The following CEP68 variants were observed in gnomAD, a reference collection of about 807,000 sequenced individuals.
The protein encoded by CEP68 is centrosomal protein of 68 kDa.
Under a neutral mutation model 55.3 loss-of-function variants are expected in CEP68, and 26 were observed. The observed-to-expected ratio is 0.47, with a 90% CI of 0.34 to 0.65. CEP68 has a LOEUF of 0.65. Ranked by LOEUF, CEP68 falls within the 30% of genes least tolerant of loss-of-function variation. The pLI is 0.01. For missense variants in CEP68, 957 were observed against 946.7 expected (o/e 1.01, Z -0.14); for synonymous variants, 402 against 383.2 (o/e 1.05, Z -0.57).
Position 65,085,231 on chromosome 2 carries a change from TG to T in CEP68, c.*1599del, listed in dbSNP as rs1282182001. The T allele has an allele frequency of 6.6e-6, 1 of 152,158 alleles. No homozygotes were observed. Among genetic ancestry groups the T allele is most frequent in the Non-Finnish European group, 1.5e-5 (1 of 68,024 alleles). 9.4% of individuals were successfully genotyped at this position (152,158 alleles called of 1,614,324 possible). A position where few individuals can be genotyped will look rare whatever the true frequency, so the allele number is the denominator to read the frequency against. On this transcript the variant is annotated 3_prime_UTR_variant, in exon 7 of 7. Coordinates refer to ENST00000377990, the MANE Select transcript of CEP68 (RefSeq NM_015147.3). ...AGATGAAAACCCTATAGAAACAAAT[TG>T]GCCAATATTATACTAATTGAATGCA...
Position 65,086,039 on chromosome 2 carries a change from A to C in CEP68, c.*2405A>C, listed in dbSNP as rs1669017941. 6.6e-6 allele frequency: 1 copy of C among 151,874 alleles called. No homozygotes were observed. Among genetic ancestry groups the C allele is most frequent in the South Asian group, 2.1e-4 (1 of 4,822 alleles). 9.4% of individuals were successfully genotyped at this position (151,874 alleles called of 1,614,324 possible). A position where few individuals can be genotyped will look rare whatever the true frequency, so the allele number is the denominator to read the frequency against. ...GCAGTTTCAAGATCTGGGTTCTTGG[A>C]GATCCATAGGTAAGCTCAGCAAATG... On this transcript the variant is annotated 3_prime_UTR_variant, in exon 7 of 7. Transcript: ENST00000377990.
chr2:65,078,109 C>A, intron 5 of CEP68, 145 bp downstream of exon 5: 1 of 577,036 alleles, frequency 1.7e-6, no homozygotes. Flanking sequence ...GCCCCATCTG[C>A]CAGCTCCACG....
At chr2:65,064,258 A>G (rs975846201) in intron 1 of CEP68, among the ~76,000 whole-genome samples, 2 of 152,168 alleles carry the variant, frequency 1.3e-5, no homozygotes, top group African/African-American at 4.8e-5. Flanking sequence ...CTAAATAGAT[A>G]CCTTCTTTTT....
intron 1 of CEP68, among the ~76,000 whole-genome samples, chr2:65,057,268 G>A (rs1303565425): frequency 2.0e-5 from 3 of 152,226 alleles, no homozygotes; most frequent in Non-Finnish European, 4.4e-5. Context: ...GGGAGGTAGC[G>A]TTTGTAAATA....
intron 5 of CEP68, 101 bp downstream of exon 5, chr2:65,078,065 C>T (rs1220846667): frequency 3.8e-6 from 3 of 797,568 alleles, no homozygotes; most frequent in Middle Eastern, 6.2e-4. Flanking sequence ...ACCACAAGAG[C>T]CCCTGCCCAC....
chr2:65,063,483 A>G (rs1676009314), intron 1 of CEP68, among the ~76,000 whole-genome samples: 1 of 152,240 alleles, frequency 6.6e-6, no homozygotes, highest in Non-Finnish European at 1.5e-5. Flanking sequence ...GGGAGGCCCC[A>G]CATTAGGAAA....
intron 1 of CEP68, 100 bp downstream of exon 1, chr2:65,056,628 C>T (rs1675603500): frequency 6.6e-6 from 1 of 152,080 alleles, no homozygotes; most frequent in South Asian, 2.1e-4. Flanking sequence ...CCCCCTCCCC[C>T]GCGTCTCTTC....
chr2:65,080,197 T>TAATA, intron 5 of CEP68: 2 of 971,354 alleles, frequency 2.1e-6, no homozygotes, highest in Non-Finnish European at 2.4e-6. Context: ...ATCAATTTAA[T>TAATA]AATACTTTTC....
intron 1 of CEP68, among the ~76,000 whole-genome samples, chr2:65,060,516 G>A (rs1212328008): frequency 1.3e-5 from 2 of 152,134 alleles, no homozygotes; most frequent in East Asian, 1.9e-4. Context: ...GATTGCTTGA[G>A]TTCAGGAGTT....
Position 65,072,436 on chromosome 2 carries a change from C to T in CEP68, c.1340C>T (p.Ser447Leu), listed in dbSNP as rs764888119. Reference sequence around the variant, plus strand: ...AGGACACGGGACAGAGGGTGGCCCTCGCCCAGGCCAGAGAGGGAGAAGAGG... The same window carrying T: ...AGGACACGGGACAGAGGGTGGCCCTTGCCCAGGCCAGAGAGGGAGAAGAGG... Reference protein sequence around the residue: ...QLRTRDRGWPSPRPEREKRTS... With the variant: ...QLRTRDRGWPLPRPEREKRTS... The change falls in exon 3 of 7, where the codon TCG becomes TTG. Residue 447 changes from serine (S) to leucine (L), a missense_variant. Transcript: ENST00000377990. 2.0e-5 allele frequency: 32 copies of T among 1,613,896 alleles called. 1 individual carries two copies. The highest frequency in any genetic ancestry group is 7.7e-5 in the South Asian group (7 of 91,078).
In CEP68 at chr2:65,069,595, C is replaced by CT; in HGVS notation, c.152dup (p.Ile52HisfsTer20). The CT allele has an allele frequency of 1.2e-6, 2 of 1,613,952 alleles. No individual in the cohort carries two copies. Among genetic ancestry groups the CT allele is most frequent in the Non-Finnish European group, 1.7e-6 (2 of 1,179,896 alleles). ...CCCACGCCTGGAAGCTGAGGGAGGGCTCATCTCCCCTGTATGGGGGGCAGA... is the reference window on the plus strand; with the variant it reads ...CCCACGCCTGGAAGCTGAGGGAGGGCTTCATCTCCCCTGTATGGGGGGCAGA... On this transcript the variant is annotated frameshift_variant, in exon 2 of 7. Coordinates refer to ENST00000377990, the MANE Select transcript of CEP68 (RefSeq NM_015147.3). LOFTEE classifies it high-confidence loss of function.
chr2:65,059,800 A>G (rs899392927), intron 1 of CEP68, among the ~76,000 whole-genome samples: 1 of 152,204 alleles, frequency 6.6e-6, no homozygotes, highest in Non-Finnish European at 1.5e-5. Context: ...GTTCTGGGGC[A>G]GGACCTGAGA....
chr2:65,056,855 C>G (rs944541076), intron 1 of CEP68, among the ~76,000 whole-genome samples: 1 of 152,146 alleles, frequency 6.6e-6, no homozygotes, highest in Non-Finnish European at 1.5e-5. Flanking sequence ...GTCCGCGCAT[C>G]TGGCGGCCGA....
intron 2 of CEP68, 175 bp from the exon 3 acceptor site, chr2:65,071,279 G>A: frequency 1.7e-6 from 1 of 605,238 alleles, no homozygotes; most frequent in Non-Finnish European, 2.9e-6. Flanking sequence ...CAGGGTCTCA[G>A]TGCTGCTGCT....
intron 4 of CEP68, among the ~76,000 whole-genome samples, chr2:65,075,965 G>A (rs1044807611): frequency 2.0e-5 from 3 of 151,996 alleles, no homozygotes; most frequent in Non-Finnish European, 4.4e-5. Context: ...AAAGTGTAGG[G>A]AGGAGCCTTG....
At position 65,072,404 on chromosome 2, in the gene CEP68, C is replaced by A. The variant is rs769316304; in HGVS notation, c.1308C>A (p.Pro436=). Residue 436 remains proline (P), a synonymous_variant, in exon 3 of 7, where the codon CCC becomes CCA. Coordinates refer to ENST00000377990, the MANE Select transcript of CEP68 (RefSeq NM_015147.3). ...TIGKHLDMGS[P]QLRTRDRGWP... is the part of the protein sequence containing the mutation. The stretch of plus-strand genomic sequence containing the variant: ...GCAAGCACCTTGATATGGGCTCTCC[C>A]CAGCTAAGGACACGGGACAGAGGGT... The A allele has an allele frequency of 6.2e-7, 1 of 1,613,978 alleles. No individual in the cohort carries two copies. The highest frequency in any genetic ancestry group is 1.1e-5 in the South Asian group (1 of 91,082).
chr2:65,074,800 A>G, intron 4 of CEP68: 1 of 267,616 alleles, frequency 3.7e-6, no homozygotes, highest in South Asian at 3.8e-5. Flanking sequence ...TTCTTAATTA[A>G]AAACAAAAAT....
intron 1 of CEP68, 106 bp downstream of exon 1, chr2:65,056,634 T>C (rs1313404791): frequency 6.6e-6 from 1 of 151,982 alleles, no homozygotes; most frequent in Non-Finnish European, 1.5e-5. Context: ...CCCCCGCGTC[T>C]CTTCGGTGCC....
chr2:65,064,122 A>G (rs1676039150), intron 1 of CEP68, among the ~76,000 whole-genome samples: 3 of 152,174 alleles, frequency 2.0e-5, no homozygotes, highest in Admixed American at 6.5e-5. Context: ...AGATCTTCTT[A>G]CCTGGTTGCT....
Sources: allele counts gnomAD v4.1 joint callset (sites outside exome capture counted in the v4.1 genomes callset), GRCh38; gene constraint gnomAD v4.1.1; transcripts MANE v1.5; gene names NCBI Gene and HGNC (gene_info 2026-07-23, HGNC 2026-07-21).